Variants in SLC35G2 observed in about 807,000 individuals in gnomAD.
SLC35G2 encodes the protein transmembrane protein 22.
Under a neutral mutation model 27.2 loss-of-function variants are expected in SLC35G2, and 20 were observed. The observed-to-expected ratio is 0.74, with a 90% CI of 0.52 to 1.07. The LOEUF (loss-of-function observed/expected upper bound fraction) is 1.07, where lower values mean the gene tolerates loss of function less well. SLC35G2 is among the 50% of genes least tolerant of loss of function. The pLI is 0.00. For synonymous variants in SLC35G2, 148 were observed against 165.3 expected (o/e 0.90, Z 0.80); for missense variants, 416 against 493.3 (o/e 0.84, Z 1.48).
chr3:136,854,401 A>T, intron 1 of SLC35G2, 42 bp from the exon 2 acceptor site: 2 of 1,291,930 alleles, frequency 1.5e-6, no homozygotes, highest in Non-Finnish European at 2.2e-6. Context: ...TTAAATTTTC[A>T]ATGAAATGAA....
At chr3:136,820,032 G>A (rs771324020) in intron 1 of SLC35G2, 1 of 152,342 alleles carries the variant, frequency 6.6e-6, no homozygotes, top group Non-Finnish European at 1.5e-5. Context: ...AGGGTCGCGC[G>A]GGCCGGCAGG....
rs369517702 is a variant in SLC35G2 at position 136,855,430 on chromosome 3, A to G, written c.970A>G (p.Ile324Val). The change falls in exon 2 of 2, where the codon ATA (isoleucine) becomes GTA (valine). Residue 324 changes from isoleucine to valine, a missense_variant. Coordinates refer to ENST00000446465, the MANE Select transcript of SLC35G2 (RefSeq NM_025246.3). ...AGAAACCTGGAGTTATCTCATTGCT[A>G]TATGTGTCTGTTCTACTGCAGCATT... The part of the protein sequence containing the change: ...DGETWSYLIA[I>V]CVCSTAAFLG... 3.5e-5 allele frequency: 56 copies of G among 1,614,172 alleles called. No individual in the cohort carries two copies. In the African/African-American group the frequency reaches 6.3e-4, roughly 18 times the overall value.
intron 1 of SLC35G2, among the ~76,000 whole-genome samples, chr3:136,824,857 G>A (rs542193113): frequency 2.3e-4 from 35 of 152,084 alleles, no homozygotes; most frequent in African/African-American, 4.6e-4. Context: ...CCATCAACTC[G>A]TCATTTACAT....
At chr3:136,824,446 T>G (rs906325251) in intron 1 of SLC35G2, among the ~76,000 whole-genome samples, 4 of 152,224 alleles carry the variant, frequency 2.6e-5, no homozygotes, top group Admixed American at 1.3e-4. Flanking sequence ...CGTCTTTGGT[T>G]AAGTTAATGC....
chr3:136,825,004 T>A (rs1936550540), intron 1 of SLC35G2, among the ~76,000 whole-genome samples: 2 of 152,176 alleles, frequency 1.3e-5, no homozygotes, highest in African/African-American at 4.8e-5. Context: ...CATGCGGTGT[T>A]TGGTTTTCTG....
At chr3:136,833,219 A>ATAG (rs1936777725) in intron 1 of SLC35G2, among the ~76,000 whole-genome samples, 1 of 152,150 alleles carries the variant, frequency 6.6e-6, no homozygotes, top group Admixed American at 6.5e-5. Context: ...AGGGTAGGGA[A>ATAG]TAGTAGTTCA....
intron 1 of SLC35G2, among the ~76,000 whole-genome samples, chr3:136,829,087 G>A (rs765423739): frequency 2.6e-5 from 4 of 151,974 alleles, no homozygotes; most frequent in South Asian, 2.1e-4. Flanking sequence ...TACTGTCTAC[G>A]TCTTGAAAAT....
chr3:136,849,201 TACACAC>T (rs375513710), intron 1 of SLC35G2, among the ~76,000 whole-genome samples: 1 of 150,718 alleles, frequency 6.6e-6, no homozygotes, highest in Non-Finnish European at 1.5e-5. Context: ...AGATTATATA[TACACAC>T]ACACACACGT....
intron 1 of SLC35G2, among the ~76,000 whole-genome samples, chr3:136,826,075 C>A (rs369135361): frequency 2.7e-5 from 4 of 149,000 alleles, no homozygotes; most frequent in Non-Finnish European, 5.9e-5. Flanking sequence ...CTCACACTGT[C>A]GCCCAGCCTG....
At chr3:136,825,520 G>A (rs2107996292) in intron 1 of SLC35G2, among the ~76,000 whole-genome samples, 1 of 152,222 alleles carries the variant, frequency 6.6e-6, no homozygotes, top group East Asian at 1.9e-4. Flanking sequence ...GGGATTACAG[G>A]CATGAGCCAC....
chr3:136,844,170 GA>G (rs910728334), intron 1 of SLC35G2, among the ~76,000 whole-genome samples: 1 of 151,338 alleles, frequency 6.6e-6, no homozygotes, highest in Non-Finnish European at 1.5e-5. Flanking sequence ...CCAGCCTGGC[GA>G]CAGAGTGAGA....
chr3:136,849,792 C>A, intron 1 of SLC35G2, among the ~76,000 whole-genome samples: 1 of 151,586 alleles, frequency 6.6e-6, no homozygotes, highest in Non-Finnish European at 1.5e-5. Flanking sequence ...TGCACCTGGC[C>A]CATTGTTAGT....
At chr3:136,837,533 T>C (rs895204123) in intron 1 of SLC35G2, 14 of 152,190 alleles carry the variant, frequency 9.2e-5, no homozygotes, top group Non-Finnish European at 2.1e-4. Flanking sequence ...TGAATACTCA[T>C]TGACATCTTT....
chr3:136,826,049 T>TTTTAC (rs1232995219), intron 1 of SLC35G2, among the ~76,000 whole-genome samples: 1 of 150,452 alleles, frequency 6.6e-6, no homozygotes, highest in East Asian at 2.0e-4. Flanking sequence ...TTTTATTTTA[T>TTTTAC]TTTTTAAGAC....
At chr3:136,850,844 A>C (rs547261777) in intron 1 of SLC35G2, among the ~76,000 whole-genome samples, 2 of 152,190 alleles carry the variant, frequency 1.3e-5, no homozygotes, top group East Asian at 3.9e-4. Context: ...AAGTGTAAAA[A>C]ACAGCCAGGA....
rs370156861 is a variant in SLC35G2, at chr3:136,854,795, C to T, written c.335C>T (p.Ala112Val). 3 of 1,614,022 alleles carry T rather than the reference C, an allele frequency of 1.9e-6. No individual in the cohort carries two copies. The highest frequency in any genetic ancestry group is 2.5e-6 in the Non-Finnish European group (3 of 1,180,026). The change falls in exon 2 of 2, where the codon GCT (alanine) becomes GTT (valine). Residue 112 changes from alanine (A) to valine (V), a missense_variant. Coordinates refer to ENST00000446465, the MANE Select transcript of SLC35G2 (RefSeq NM_025246.3). Reference protein sequence around the residue: ...RKMWIVLFGSALAHGCVALIT... With the variant: ...RKMWIVLFGSVLAHGCVALIT... ...ATGTGGATAGTGCTGTTTGGATCTG[C>T]TTTGGCTCATGGATGTGTAGCTCTT...
intron 1 of SLC35G2, among the ~76,000 whole-genome samples, chr3:136,847,191 TAATAAATA>T (rs1355721939): frequency 6.6e-5 from 10 of 151,496 alleles, no homozygotes; most frequent in Non-Finnish European, 1.0e-4. Flanking sequence ...AATAAATAAA[TAATAAATA>T]AATAAATAAA....
At chr3:136,820,274 G>T (rs1936421551) in intron 1 of SLC35G2, 1 of 152,494 alleles carries the variant, frequency 6.6e-6, no homozygotes, top group African/African-American at 2.4e-5. Context: ...TCCTCCGCGG[G>T]AAAGGACTTG....
chr3:136,833,473 T>A, intron 1 of SLC35G2, among the ~76,000 whole-genome samples: 1 of 152,140 alleles, frequency 6.6e-6, no homozygotes, highest in East Asian at 1.9e-4. Flanking sequence ...CCCCAACCTT[T>A]TTGGCACCAG....
Sources: gnomAD v4.1 joint callset for allele counts (sites outside exome capture counted in the v4.1 genomes callset) on GRCh38, gnomAD v4.1.1 for gene constraint, MANE v1.5 for transcripts, NCBI Gene and HGNC (gene_info 2026-07-23, HGNC 2026-07-21) for gene names.